The following USH2A variants were observed in gnomAD, a reference collection of about 807,000 sequenced individuals.
USH2A encodes the protein Usher syndrome 2A (autosomal recessive, mild).
USH2A carries 443 observed loss-of-function variants against 538.9 expected under a neutral mutation model. The observed-to-expected ratio is 0.82, with a 90% CI of 0.76 to 0.89. The LOEUF (loss-of-function observed/expected upper bound fraction) is 0.89. Among genes scored for constraint, USH2A ranks in the 40% least tolerant of loss-of-function variants. The pLI, the probability that USH2A is intolerant of heterozygous loss-of-function variation, is 0.00. For missense variants in USH2A, 6,633 were observed against 6,324.8 expected (o/e 1.05, Z -1.65); for synonymous variants, 2,413 against 2,273.5 (o/e 1.06, Z -1.75).
chr1:216,391,760 C>G (rs1304825624), intron 3 of USH2A, among the ~76,000 whole-genome samples: 3 of 152,180 alleles, frequency 2.0e-5, no homozygotes, highest in African/African-American at 7.2e-5. Flanking sequence ...AGTGACTTGC[C>G]TAGGGTTGTT....
chr1:216,078,391 G>A, intron 26 of USH2A, 29 bp from the exon 27 acceptor site: 2 of 1,608,660 alleles, frequency 1.2e-6, no homozygotes, highest in African/African-American at 2.7e-5. Flanking sequence ...AAGAAAGTAG[G>A]TATATAAAAA....
intron 64 of USH2A, among the ~76,000 whole-genome samples, chr1:215,656,211 A>C (rs773474881): frequency 6.6e-6 from 1 of 152,156 alleles, no homozygotes; most frequent in Admixed American, 6.5e-5. Context: ...TTCTGAAATA[A>C]CCTTCCTTAG....
At position 215,671,316 on chromosome 1, in the gene USH2A, T is replaced by C. The variant is rs750466488; in HGVS notation, c.13812-23A>G. 5 of 1,612,982 alleles carry C rather than the reference T, an allele frequency of 3.1e-6. No individual in the cohort carries two copies. In the East Asian group the frequency reaches 1.1e-4, roughly 36 times the overall value. ...TACCTTCAGGACATAAGGCAGAAAT[T>C]AGTGATTTTCAGCAAAATAGATTTT... On this transcript the variant is annotated intron_variant, in intron 63 of 71. Coordinates refer to ENST00000307340, the MANE Select transcript of USH2A (RefSeq NM_206933.4).
At chr1:216,063,904 T>A (rs2031263587) in intron 30 of USH2A, among the ~76,000 whole-genome samples, 1 of 152,228 alleles carries the variant, frequency 6.6e-6, no homozygotes, top group Admixed American at 6.5e-5. Context: ...ACTACTAATA[T>A]TAAACATTGA....
intron 13 of USH2A, 110 bp from the exon 14 acceptor site, chr1:216,232,246 T>C: frequency 8.2e-7 from 1 of 1,220,360 alleles, no homozygotes; most frequent in Non-Finnish European, 1.1e-6. Context: ...AGGCACTAAT[T>C]CCCAATACAA....
chr1:215,948,907 C>T (rs771506402), intron 37 of USH2A, among the ~76,000 whole-genome samples: 6 of 151,908 alleles, frequency 3.9e-5, no homozygotes, highest in South Asian at 2.1e-4. Context: ...CCATAATGTA[C>T]GGATTGTATC....
At chr1:215,777,837 A>G (rs948793553) in intron 55 of USH2A, among the ~76,000 whole-genome samples, 1 of 152,196 alleles carries the variant, frequency 6.6e-6, no homozygotes, top group Middle Eastern at 3.2e-3. Context: ...TCTTTCAGAT[A>G]TGATTATTAA....
chr1:215,786,205 C>A (rs1432205791), intron 52 of USH2A, among the ~76,000 whole-genome samples: 1 of 152,148 alleles, frequency 6.6e-6, no homozygotes, highest in Non-Finnish European at 1.5e-5. Context: ...TTGGAGATGA[C>A]CAGCCATCTT....
At chr1:216,152,329 T>G in intron 21 of USH2A, among the ~76,000 whole-genome samples, 1 of 152,286 alleles carries the variant, frequency 6.6e-6, no homozygotes, top group East Asian at 1.9e-4. Context: ...CCACCTTAAC[T>G]GATGACATTC....
chr1:215,855,388 C>T (rs1247865422), intron 44 of USH2A, among the ~76,000 whole-genome samples: 1 of 152,136 alleles, frequency 6.6e-6, no homozygotes, highest in Admixed American at 6.5e-5. Context: ...AACTTAACCC[C>T]TTTTACAATA....
intron 36 of USH2A, among the ~76,000 whole-genome samples, chr1:215,969,367 T>A (rs1008111860): frequency 6.6e-6 from 1 of 152,124 alleles, no homozygotes; most frequent in African/African-American, 2.4e-5. Context: ...TTTCTTAAGG[T>A]TAACGTAGCT....
chr1:215,773,136 A>C (rs1054066702), intron 55 of USH2A, among the ~76,000 whole-genome samples: 1 of 152,184 alleles, frequency 6.6e-6, no homozygotes, highest in Admixed American at 6.5e-5. Flanking sequence ...AACAAAGGGC[A>C]AGCATGTAAA....
intron 47 of USH2A, among the ~76,000 whole-genome samples, chr1:215,831,936 C>T (rs1253729254): frequency 2.0e-5 from 3 of 151,964 alleles, no homozygotes; most frequent in Middle Eastern, 3.4e-3. Context: ...AAAACGGGGG[C>T]ACTTACTACC....
chr1:215,912,512 CGT>C (rs1491155674), intron 38 of USH2A, among the ~76,000 whole-genome samples: 803 of 45,216 alleles, frequency 0.018, 6 homozygotes, highest in African/African-American at 0.057. Flanking sequence ...TATATATATA[CGT>C]GTATATATAT....
rs142326003 is a variant in USH2A at position 215,710,957 on chromosome 1, C to T, written c.12066+17073G>A. 5.5e-3 allele frequency among the ~76,000 whole-genome samples: 831 copies of T among 151,976 alleles called. 14 individuals carry two copies. Among genetic ancestry groups the T allele is most frequent in the African/African-American group, 0.019 (791 of 41,432 alleles). On this transcript the variant is annotated intron_variant, in intron 61 of 71. Transcript: ENST00000307340. ...TCTATCGGCTTCTAGATCCTCAAGG[C>T]AAGCAATCTACTAACACTGCATAGT...
chr1:216,021,024 G>A lies in USH2A; in HGVS notation c.6326-20462C>T, dbSNP rs545940802. Reference sequence around the variant, plus strand: ...GTGCCTGGCCTCTGAAGGGAAGGTAGTCTTGTGGGACTGGGCTCTTAAATC... The same window carrying A: ...GTGCCTGGCCTCTGAAGGGAAGGTAATCTTGTGGGACTGGGCTCTTAAATC... On this transcript the variant is annotated intron_variant, in intron 32 of 71. Transcript: ENST00000307340. Among the ~76,000 whole-genome samples the A allele has an allele frequency of 1.4e-3, 207 of 152,254 alleles. 1 individual carries two copies. The highest frequency in any genetic ancestry group is 4.8e-3 in the African/African-American group (201 of 41,560).
chr1:216,080,802 T>C (rs991746739), intron 26 of USH2A, among the ~76,000 whole-genome samples: 4 of 151,012 alleles, frequency 2.6e-5, no homozygotes, highest in Non-Finnish European at 4.4e-5. Context: ...AGCATGGTAA[T>C]TGTTCATTTG....
At chr1:216,297,967 T>C (rs1292716352) in intron 9 of USH2A, among the ~76,000 whole-genome samples, 2 of 152,218 alleles carry the variant, frequency 1.3e-5, no homozygotes, top group Admixed American at 6.5e-5. Flanking sequence ...CTCATTAAGC[T>C]GTCTTCCCCA....
chr1:215,718,743 C>CA (rs11427870), intron 61 of USH2A, among the ~76,000 whole-genome samples: 136,053 of 152,170 alleles, frequency 0.89, 61,503 homozygotes, highest in Non-Finnish European at 0.98. Context: ...TAGGGTACTT[C>CA]GGGGCAGCCA....
Sources: allele counts gnomAD v4.1 joint callset (sites outside exome capture counted in the v4.1 genomes callset), GRCh38; gene constraint gnomAD v4.1.1; transcripts MANE v1.5; gene names NCBI Gene and HGNC (gene_info 2026-07-23, HGNC 2026-07-21).